The following NBEAL1 variants were observed in gnomAD, a reference collection of about 807,000 sequenced individuals.
NBEAL1 encodes the protein neurobeachin like 1.
A neutral mutation model predicts 351.3 loss-of-function variants in NBEAL1; 273 were observed. The ratio of observed to expected loss-of-function variants is 0.78; its 90% CI spans 0.70 to 0.86. The LOEUF (loss-of-function observed/expected upper bound fraction) is 0.86. Ranked by LOEUF, NBEAL1 falls within the 40% of genes least tolerant of loss-of-function variation. The probability of loss-of-function intolerance (pLI) is 0.00; values close to 1 mark genes in which losing one functional copy is unlikely to be tolerated. For missense variants in NBEAL1, 2,961 were observed against 3,201.3 expected (o/e 0.92, Z 1.81); for synonymous variants, 1,050 against 1,086.4 (o/e 0.97, Z 0.66).
intron 2 of NBEAL1, among the ~76,000 whole-genome samples, chr2:203,034,028 G>A (rs918146269): frequency 6.6e-6 from 1 of 152,062 alleles, no homozygotes; most frequent in African/African-American, 2.4e-5. Context: ...TGCTTCACAG[G>A]CTGTTTTGCA....
In NBEAL1 at chr2:203,016,417, G is replaced by A; in HGVS notation, c.33G>A (p.Trp11Ter). 2 of 1,491,810 alleles carry A rather than the reference G, an allele frequency of 1.3e-6. No individual in the cohort carries two copies. The highest frequency in any genetic ancestry group is 9.0e-7 in the Non-Finnish European group (1 of 1,105,698). The allele number at this position is 1,491,810 out of a possible 1,614,324, so 92.4% of individuals were successfully genotyped here. The change falls in exon 2 of 56, where the codon TGG (tryptophan) becomes TGA (stop). Residue 11 changes from tryptophan (W) to a stop codon, truncating the protein, a stop_gained. Transcript: ENST00000683969. LOFTEE classifies it high-confidence loss of function. ...CCAGAGAGAGGCTCTTTGAACTTTGGATGCTTTATTGTACAAAGGTAATTG... is the reference window on the plus strand; with the variant it reads ...CCAGAGAGAGGCTCTTTGAACTTTGAATGCTTTATTGTACAAAGGTAATTG... The part of the protein sequence containing the change: MASRERLFEL[W>*]MLYCTKKDPD...
At chr2:203,032,685 TAGA>T (rs2060969849) in intron 2 of NBEAL1, among the ~76,000 whole-genome samples, 1 of 145,306 alleles carries the variant, frequency 6.9e-6, no homozygotes, top group Admixed American at 6.9e-5. Flanking sequence ...TTTTTTTTTT[TAGA>T]CAGAGTCTCA....
At position 203,122,297 on chromosome 2, in the gene NBEAL1, T is replaced by C. The variant is rs748467918; in HGVS notation, c.2636T>C (p.Leu879Ser). 8 of 1,545,470 alleles carry C rather than the reference T, an allele frequency of 5.2e-6. No individual in the cohort carries two copies. The highest frequency in any genetic ancestry group is 7.0e-6 in the Non-Finnish European group (8 of 1,145,062). Residue 879 changes from leucine to serine, a missense_variant, in exon 19 of 56, where the codon TTG becomes TCG. Transcript: ENST00000683969. ...TGTCTTGATTTATCTACTAATTGTT[T>C]GCATGGAAGATTAACAGGAAACAAA... ...SICLDLSTNC[L>S]HGRLTGNKVV...
chr2:203,066,864 C>T lies in NBEAL1; in HGVS notation c.516-1529C>T, dbSNP rs568957123. 5.1e-5 allele frequency among the ~76,000 whole-genome samples: 7 copies of T among 138,128 alleles called. No individual in the cohort carries two copies. In the South Asian group the frequency reaches 9.7e-4, roughly 19 times the overall value. The allele number at this position is 138,128 out of a possible 152,430, so 90.6% of individuals were successfully genotyped here. On this transcript the variant is annotated intron_variant, in intron 6 of 55. Transcript: ENST00000683969. ...CCTCACATCCCAGATGATGGGCGGCCGGGCAGAGGCGCTCCTCACCTCCCA... is the reference window on the plus strand; with the variant it reads ...CCTCACATCCCAGATGATGGGCGGCTGGGCAGAGGCGCTCCTCACCTCCCA...
chr2:203,159,726 G>GT (rs1220818033), intron 36 of NBEAL1, among the ~76,000 whole-genome samples: 1 of 152,006 alleles, frequency 6.6e-6, no homozygotes, highest in Non-Finnish European at 1.5e-5. Context: ...GCAAACATAA[G>GT]TTTTTTGTTG....
chr2:203,100,772 T>A (rs1178705969), intron 12 of NBEAL1, among the ~76,000 whole-genome samples: 1 of 152,092 alleles, frequency 6.6e-6, no homozygotes, highest in African/African-American at 2.4e-5. Flanking sequence ...GGTCTTGAAC[T>A]CCCAACCGCA....
intron 44 of NBEAL1, among the ~76,000 whole-genome samples, chr2:203,184,897 A>T (rs59524933): frequency 0.56 from 81,696 of 145,022 alleles, 23,086 homozygotes; most frequent in Middle Eastern, 0.75. Flanking sequence ...CCCTGTATTT[A>T]AAAAAAAAAA....
intron 8 of NBEAL1, among the ~76,000 whole-genome samples, chr2:203,080,548 T>A (rs1283473575): frequency 2.0e-5 from 3 of 152,228 alleles, no homozygotes; most frequent in Non-Finnish European, 4.4e-5. Context: ...AAAAATATAT[T>A]TTTATTCCTT....
chr2:203,156,437 A>G (rs1302981904), intron 35 of NBEAL1, among the ~76,000 whole-genome samples: 2 of 152,240 alleles, frequency 1.3e-5, no homozygotes, highest in Non-Finnish European at 2.9e-5. Context: ...GAATAGTACC[A>G]TACATCTATA....
At chr2:203,089,640 A>G (rs141239920) in intron 10 of NBEAL1, among the ~76,000 whole-genome samples, 84 of 152,306 alleles carry the variant, frequency 5.5e-4, no homozygotes, top group African/African-American at 1.9e-3. Context: ...CACACCACAA[A>G]ATTAGGGGTC....
intron 43 of NBEAL1, chr2:203,181,405 A>G (rs185906378): frequency 6.6e-6 from 1 of 152,308 alleles, no homozygotes; most frequent in East Asian, 1.9e-4. Context: ...GCAAATTAAA[A>G]TGACAGGATA....
In NBEAL1 at chr2:203,116,052, T is replaced by G. The variant is rs757481460; in HGVS notation, c.2574T>G (p.Leu858=). ...TGGCCGACCTGCCTGGTAACATCCTTCTTTACTACACAGCAAAGGTCAGAG... is the reference window on the plus strand; with the variant it reads ...TGGCCGACCTGCCTGGTAACATCCTGCTTTACTACACAGCAAAGGTCAGAG... ...SDMADLPGNI[L]LYYTAKACKN... is the part of the protein sequence containing the mutation. The change falls in exon 18 of 56, where the codon CTT becomes CTG. Residue 858 remains leucine, a synonymous_variant. Transcript: ENST00000683969. 4.4e-5 allele frequency: 69 copies of G among 1,553,334 alleles called. No homozygotes were observed. In the African/African-American group the frequency reaches 9.1e-4, roughly 21 times the overall value.
intron 23 of NBEAL1, 39 bp downstream of exon 23, chr2:203,126,965 T>C (rs2062951993): frequency 7.3e-7 from 1 of 1,361,940 alleles, no homozygotes; most frequent in Non-Finnish European, 1.0e-6. Flanking sequence ...GATATATTAT[T>C]TTCTGTCTGC....
intron 18 of NBEAL1, among the ~76,000 whole-genome samples, chr2:203,118,117 C>T (rs1050394328): frequency 1.3e-5 from 2 of 152,126 alleles, no homozygotes; most frequent in Non-Finnish European, 2.9e-5. Context: ...AAAGTGATAT[C>T]CTATATACTC....
rs1369942421 is a variant in NBEAL1 at position 203,219,628 on chromosome 2, G to C, written c.*2274G>C. ...CCCAGCACTTTGGGAGGCTGAGGCA[G>C]GCGAATCACAAGGTCAGGAGTTCAA... On this transcript the variant is annotated 3_prime_UTR_variant, in exon 56 of 56. Transcript: ENST00000683969. 6.6e-6 allele frequency: 1 copy of C among 152,044 alleles called. No homozygotes were observed. Among genetic ancestry groups the C allele is most frequent in the Non-Finnish European group, 1.5e-5 (1 of 68,034 alleles). The allele number at this position is 152,044 out of a possible 1,614,324, so 9.4% of individuals were successfully genotyped here. A position where few individuals can be genotyped will look rare whatever the true frequency, so the allele number is the denominator to read the frequency against.
intron 3 of NBEAL1, among the ~76,000 whole-genome samples, chr2:203,044,609 T>G (rs1286412611): frequency 2.0e-5 from 3 of 152,228 alleles, no homozygotes; most frequent in Non-Finnish European, 4.4e-5. Flanking sequence ...ATTTGTGATA[T>G]AGTTTGTTTA....
At chr2:203,115,841 C>A in intron 17 of NBEAL1, 144 bp from the exon 18 acceptor site, 1 of 551,214 alleles carries the variant, frequency 1.8e-6, no homozygotes, top group Admixed American at 3.3e-5. Flanking sequence ...AATATGGAAA[C>A]AAAGTAAATT....
At chr2:203,118,512 A>G (rs989603753) in intron 18 of NBEAL1, among the ~76,000 whole-genome samples, 1 of 152,060 alleles carries the variant, frequency 6.6e-6, no homozygotes, top group Non-Finnish European at 1.5e-5. Context: ...ATTCTCCACT[A>G]TATAGCATAG....
At chr2:203,070,883 G>A (rs113381401) in intron 7 of NBEAL1, among the ~76,000 whole-genome samples, 20 of 152,238 alleles carry the variant, frequency 1.3e-4, no homozygotes, top group Non-Finnish European at 2.5e-4. Flanking sequence ...AGTTGAACAC[G>A]AGATTTCAGT....
Sources: allele counts gnomAD v4.1 joint callset (sites outside exome capture counted in the v4.1 genomes callset), GRCh38; gene constraint gnomAD v4.1.1; transcripts MANE v1.5; gene names NCBI Gene and HGNC (gene_info 2026-07-23, HGNC 2026-07-21).